Variants in OTUD7A observed in about 807,000 individuals in gnomAD.
OTUD7A encodes OTU deubiquitinase 7A.
A neutral mutation model predicts 65.7 loss-of-function variants in OTUD7A; 12 were observed. The ratio of observed to expected loss-of-function variants is 0.18; its 90% CI spans 0.12 to 0.30. The LOEUF (loss-of-function observed/expected upper bound fraction) is 0.30. Ranked by LOEUF, OTUD7A falls within the 10% of genes least tolerant of loss-of-function variation. OTUD7A has a pLI of 1.00. For missense variants in OTUD7A, 1,148 were observed against 1,304.8 expected (o/e 0.88, Z 1.85); for synonymous variants, 641 against 586.3 (o/e 1.09, Z -1.35).
intron 1 of OTUD7A, among the ~76,000 whole-genome samples, chr15:31,814,767 A>G (rs887222246): frequency 1.3e-5 from 2 of 152,084 alleles, no homozygotes; most frequent in African/African-American, 2.4e-5. Context: ...CTAGTGATAT[A>G]TCCGCCTAAG....
At position 31,768,186 on chromosome 15, in the gene OTUD7A, C is replaced by A. The variant is rs953242108; in HGVS notation, c.-100+102321G>T. 3.4e-5 allele frequency: 43 copies of A among 1,281,136 alleles called. No individual in the cohort carries two copies. The African/African-American group carries it at 5.7e-4, about 17-fold the overall frequency. The allele number at this position is 1,281,136 out of a possible 1,614,324, so 79.4% of individuals were successfully genotyped here. On this transcript the variant is annotated intron_variant, in intron 1 of 12. Transcript: ENST00000307050. Reference sequence around the variant, plus strand: ...GTGGCCCGATAAGGCCCGGGAGGCACAACCCGACTCTCCACAGGTCTGTCA... The same window carrying A: ...GTGGCCCGATAAGGCCCGGGAGGCAAAACCCGACTCTCCACAGGTCTGTCA...
intron 1 of OTUD7A, among the ~76,000 whole-genome samples, chr15:31,853,752 T>C (rs1163534483): frequency 3.3e-5 from 5 of 152,248 alleles, no homozygotes; most frequent in Middle Eastern, 3.2e-3. Context: ...AGGGAATTCA[T>C]GTGGAATAAA....
chr15:31,655,714 T>G (rs569431727), intron 2 of OTUD7A, among the ~76,000 whole-genome samples: 2 of 152,338 alleles, frequency 1.3e-5, no homozygotes, highest in Admixed American at 6.5e-5. Context: ...GCAGCCCAGA[T>G]AGACTAAGGC....
intron 1 of OTUD7A, among the ~76,000 whole-genome samples, chr15:31,693,340 A>C (rs990066069): frequency 1.1e-4 from 17 of 152,250 alleles, no homozygotes; most frequent in Non-Finnish European, 2.4e-4. Context: ...CGAAATGCCA[A>C]TACCTCTAGA....
At chr15:31,511,871 G>T (rs996856414) in intron 8 of OTUD7A, among the ~76,000 whole-genome samples, 1 of 151,458 alleles carries the variant, frequency 6.6e-6, no homozygotes, top group African/African-American at 2.4e-5. Context: ...CCGACAATGG[G>T]GATTTTTTAC....
chr15:31,799,586 G>C (rs1160993201), intron 1 of OTUD7A, among the ~76,000 whole-genome samples: 2 of 152,186 alleles, frequency 1.3e-5, no homozygotes, highest in Non-Finnish European at 2.9e-5. Flanking sequence ...AGGACACAGG[G>C]AGAAGGCATC....
In OTUD7A at chr15:31,634,903, T is replaced by G. The variant is rs1004021308; in HGVS notation, c.151+20193A>C. ...GAAGGACAGCAAGCTTTCCTCAAGG[T>G]TGGGACCCTGGGGACGCAGACAGGA... On this transcript the variant is annotated intron_variant, in intron 3 of 12. Transcript: ENST00000307050. 3.3e-5 allele frequency among the ~76,000 whole-genome samples: 5 copies of G among 152,260 alleles called. No individual in the cohort carries two copies. The South Asian group carries it at 1.0e-3, about 32-fold the overall frequency.
intron 12 of OTUD7A, among the ~76,000 whole-genome samples, chr15:31,485,593 G>T (rs2041225866): frequency 1.3e-5 from 2 of 152,192 alleles, no homozygotes; most frequent in Non-Finnish European, 2.9e-5. Flanking sequence ...AGAGGTGGGA[G>T]AGCAGAGAGG....
intron 10 of OTUD7A, among the ~76,000 whole-genome samples, chr15:31,501,443 A>T (rs1230932445): frequency 6.6e-6 from 1 of 152,240 alleles, no homozygotes; most frequent in Non-Finnish European, 1.5e-5. Context: ...AGTAAAAGCT[A>T]TTTAAGGGTA....
intron 1 of OTUD7A, among the ~76,000 whole-genome samples, chr15:31,808,140 C>CACACACACACACACACACAA (rs1272100227): frequency 1.4e-5 from 2 of 140,300 alleles, no homozygotes; most frequent in African/African-American, 5.3e-5. Flanking sequence ...CACACACAAA[C>CACACACACACACACACACAA]AAATCCTCAC....
intron 12 of OTUD7A, among the ~76,000 whole-genome samples, chr15:31,486,931 CAT>C (rs1002629411): frequency 2.6e-5 from 4 of 152,334 alleles, no homozygotes; most frequent in African/African-American, 7.2e-5. Flanking sequence ...TGCATGCACA[CAT>C]GCCTACATGT....
intron 1 of OTUD7A, among the ~76,000 whole-genome samples, chr15:31,762,162 T>C (rs1040813753): frequency 6.6e-6 from 1 of 152,220 alleles, no homozygotes; most frequent in African/African-American, 2.4e-5. Flanking sequence ...CTCAACCAAA[T>C]TGGTTTTTCA....
intron 1 of OTUD7A, among the ~76,000 whole-genome samples, chr15:31,791,337 A>C (rs1895809636): frequency 6.6e-6 from 1 of 152,174 alleles, no homozygotes; most frequent in Non-Finnish European, 1.5e-5. Flanking sequence ...ACTAATAGTC[A>C]TCTTAAGGGA....
At chr15:31,654,267 G>A (rs1385701103) in intron 3 of OTUD7A, among the ~76,000 whole-genome samples, 1 of 125,664 alleles carries the variant, frequency 8.0e-6, no homozygotes, top group African/African-American at 3.1e-5. Context: ...CTAATAGGTT[G>A]GGGAAAATTT....
At chr15:31,578,033 T>C (rs1357927634) in intron 3 of OTUD7A, among the ~76,000 whole-genome samples, 1 of 152,104 alleles carries the variant, frequency 6.6e-6, no homozygotes, top group African/African-American at 2.4e-5. Context: ...TGGAACATAA[T>C]AGTGTAAACC....
In OTUD7A at chr15:31,484,441, C is replaced by T. The variant is rs1321177664; in HGVS notation, c.1655G>A (p.Arg552His). 1 of 1,603,614 alleles carries T rather than the reference C, an allele frequency of 6.2e-7. No individual in the cohort carries two copies. The highest frequency in any genetic ancestry group is 8.5e-7 in the Non-Finnish European group (1 of 1,179,908). The change falls in exon 13 of 13, where the codon CGC becomes CAC. Residue 552 changes from arginine (R) to histidine (H), a missense_variant. Physicochemically the swap from Arg to His is conservative, Grantham distance 29. Coordinates refer to ENST00000307050, the MANE Select transcript of OTUD7A (RefSeq NM_001382637.1). The surrounding 1 kb of genome is among the most constrained non-coding windows in gnomAD (Gnocchi z 4.5). Reference protein sequence around the residue: ...LGGLVHGKMGRANSANGKNGD... With the variant: ...LGGLVHGKMGHANSANGKNGD... ...GTTCTTGCCATTGGCGGAGTTGGCG[C>T]GGCCCATCTTGCCGTGCACCAGGCC...
intron 1 of OTUD7A, among the ~76,000 whole-genome samples, chr15:31,794,976 G>C (rs574046047): frequency 6.6e-6 from 1 of 152,336 alleles, no homozygotes; most frequent in East Asian, 1.9e-4. Flanking sequence ...ATTTTGAATA[G>C]AGATCTATAA....
intron 1 of OTUD7A, among the ~76,000 whole-genome samples, chr15:31,803,194 G>A (rs1896180925): frequency 6.6e-6 from 1 of 152,164 alleles, no homozygotes; most frequent in Non-Finnish European, 1.5e-5. Flanking sequence ...AGGTCATTCA[G>A]CAGCAAACTC....
chr15:31,511,075 ATATCTATATGTAACATACATATGTAT>A lies in OTUD7A; in HGVS notation c.894-7283_894-7258del, dbSNP rs2041714906. 2.6e-5 allele frequency among the ~76,000 whole-genome samples: 2 copies of A among 76,958 alleles called. 1 individual carries two copies. The highest frequency in any genetic ancestry group is 4.7e-5 in the Non-Finnish European group (2 of 42,766). 50.5% of individuals were successfully genotyped at this position (76,958 alleles called of 152,430 possible). ...CTATATGTAACATACATATATATGT[ATATCTATATGTAACATACATATGTAT>A]ATCTATATGTAACATACATATGTAT... On this transcript the variant is annotated intron_variant, in intron 8 of 12. Coordinates refer to ENST00000307050, the MANE Select transcript of OTUD7A (RefSeq NM_001382637.1).
Sources: gnomAD v4.1 joint callset for allele counts (sites outside exome capture counted in the v4.1 genomes callset) on GRCh38, gnomAD v4.1.1 for gene constraint, Gnocchi (gnomAD v3.1) non-coding constraint, MANE v1.5 for transcripts, NCBI Gene and HGNC (gene_info 2026-07-23, HGNC 2026-07-21) for gene names.